PALMD: variants seen among roughly 807,000 people sequenced by gnomAD.
PALMD encodes the protein paralemmin-like protein.
Under a neutral mutation model 56.2 loss-of-function variants are expected in PALMD, and 42 were observed. That is an observed-to-expected ratio of 0.75 (90% CI 0.58 to 0.97). The LOEUF (loss-of-function observed/expected upper bound fraction) is 0.97. PALMD is among the 50% of genes least tolerant of loss of function. The pLI is 0.00. For synonymous variants in PALMD, 242 were observed against 222.9 expected (o/e 1.09, Z -0.76); for missense variants, 660 against 643.8 (o/e 1.03, Z -0.27).
chr1:99,660,337 C>T (rs12065173), intron 1 of PALMD, among the ~76,000 whole-genome samples: 1,628 of 152,226 alleles, frequency 0.011, 30 homozygotes, highest in African/African-American at 0.037. Flanking sequence ...ATCCTGGCTC[C>T]GACAATTGTC....
chr1:99,686,051 G>A (rs993051090), intron 3 of PALMD: 1 of 151,926 alleles, frequency 6.6e-6, no homozygotes, highest in Non-Finnish European at 1.5e-5. Flanking sequence ...AGAAAATGTA[G>A]CCTCTATAAA....
At position 99,667,630 on chromosome 1, in the gene PALMD, T is replaced by C; in HGVS notation, c.127-12T>C. ...CAATATAAGAACATATCTTTATGTT[T>C]CCTGACATCAGAAAAAGGCCTTGAG... is the stretch of plus-strand genomic sequence containing the variant. On this transcript the variant is annotated splice_polypyrimidine_tract_variant and intron_variant, in intron 2 of 7. Coordinates refer to ENST00000263174, the MANE Select transcript of PALMD (RefSeq NM_017734.5). The C allele has an allele frequency of 1.9e-6, 3 of 1,610,944 alleles. No homozygotes were observed. Among genetic ancestry groups the C allele is most frequent in the Non-Finnish European group, 2.5e-6 (3 of 1,177,328 alleles).
chr1:99,662,779 G>A (rs76831347), intron 2 of PALMD, among the ~76,000 whole-genome samples: 1,984 of 152,244 alleles, frequency 0.013, 23 homozygotes, highest in South Asian at 0.042. Context: ...TCATTCCCCC[G>A]GGGGTGCAGA....
At chr1:99,686,164 A>G (rs1571075134) in intron 3 of PALMD, 1 of 152,198 alleles carries the variant, frequency 6.6e-6, no homozygotes, top group African/African-American at 2.4e-5. Flanking sequence ...AAATTAAATC[A>G]AAGTGTCATT....
At position 99,694,516 on chromosome 1, in the gene PALMD, A is replaced by G. The variant is rs1653744056; in HGVS notation, c.*454A>G. The G allele has an allele frequency of 6.4e-6, 1 of 156,132 alleles. No individual in the cohort carries two copies. The highest frequency in any genetic ancestry group is 1.4e-5 in the Non-Finnish European group (1 of 71,190). 9.7% of individuals were successfully genotyped at this position (156,132 alleles called of 1,614,324 possible). A position where few individuals can be genotyped will look rare whatever the true frequency, so the allele number is the denominator to read the frequency against. ...ATCCTGAATTAATAATGCCTTAATA[A>G]AAGTACATCCTCCTGCTAACTATCA... On this transcript the variant is annotated 3_prime_UTR_variant, in exon 8 of 8. Coordinates refer to ENST00000263174, the MANE Select transcript of PALMD (RefSeq NM_017734.5).
intron 1 of PALMD, among the ~76,000 whole-genome samples, chr1:99,656,927 G>T (rs908365708): frequency 6.6e-6 from 1 of 152,042 alleles, no homozygotes; most frequent in Non-Finnish European, 1.5e-5. Context: ...TGTGCTCCCC[G>T]CAATCTGTTT....
intron 2 of PALMD, among the ~76,000 whole-genome samples, chr1:99,662,806 T>C (rs944143975): frequency 6.6e-6 from 1 of 152,216 alleles, no homozygotes; most frequent in African/African-American, 2.4e-5. Flanking sequence ...TCTGGCCTGG[T>C]CAAGGATGCT....
intron 2 of PALMD, 36 bp downstream of exon 2, chr1:99,662,435 G>A (rs1405590988): frequency 1.7e-6 from 2 of 1,204,434 alleles, no homozygotes; most frequent in African/African-American, 1.5e-5. Context: ...CAATGATTTT[G>A]TATTCAAAAA....
At chr1:99,683,176 C>G (rs929983520) in intron 3 of PALMD, 1 of 148,474 alleles carries the variant, frequency 6.7e-6, no homozygotes, top group African/African-American at 2.5e-5. Flanking sequence ...GAAACGAACA[C>G]CCTATGAAGT....
At chr1:99,683,180 A>G (rs527784141) in intron 3 of PALMD, 1 of 151,588 alleles carries the variant, frequency 6.6e-6, no homozygotes, top group South Asian at 2.1e-4. Flanking sequence ...CGAACACCCT[A>G]TGAAGTTGTT....
intron 1 of PALMD, among the ~76,000 whole-genome samples, chr1:99,656,817 T>C (rs1420234118): frequency 6.6e-6 from 1 of 152,172 alleles, no homozygotes; most frequent in African/African-American, 2.4e-5. Flanking sequence ...CCACTTAACC[T>C]CTTAAGGTTT....
At chr1:99,664,800 C>T (rs756403675) in intron 2 of PALMD, among the ~76,000 whole-genome samples, 1 of 152,190 alleles carries the variant, frequency 6.6e-6, no homozygotes, top group East Asian at 1.9e-4. Context: ...TCTCCACTTT[C>T]CTGATTGCAA....
intron 1 of PALMD, among the ~76,000 whole-genome samples, chr1:99,660,228 G>A (rs572509229): frequency 3.3e-4 from 50 of 152,326 alleles, no homozygotes; most frequent in African/African-American, 1.2e-3. Flanking sequence ...GAAGAAAAAG[G>A]AAGAAACTGT....
At chr1:99,648,272 T>C (rs1652487579) in intron 1 of PALMD, among the ~76,000 whole-genome samples, 1 of 152,110 alleles carries the variant, frequency 6.6e-6, no homozygotes, top group African/African-American at 2.4e-5. Flanking sequence ...CCAGTCACAT[T>C]TGTCACCACC....
At chr1:99,662,620 CT>C (rs1652871424) in intron 2 of PALMD, among the ~76,000 whole-genome samples, 1 of 152,168 alleles carries the variant, frequency 6.6e-6, no homozygotes, top group Admixed American at 6.5e-5. Flanking sequence ...GGTTTTATTA[CT>C]TTTATCCTTT....
intron 1 of PALMD, among the ~76,000 whole-genome samples, chr1:99,656,111 C>A (rs756371769): frequency 2.0e-5 from 3 of 152,140 alleles, no homozygotes; most frequent in African/African-American, 7.2e-5. Flanking sequence ...TCAGTGATAG[C>A]AAATGATTTG....
At chr1:99,667,342 A>G (rs1442323339) in intron 2 of PALMD, among the ~76,000 whole-genome samples, 1 of 152,164 alleles carries the variant, frequency 6.6e-6, no homozygotes. Context: ...CTGAAGACAG[A>G]AAGTGAGGGT....
chr1:99,683,648 A>G (rs12029624), intron 3 of PALMD: 12,063 of 152,238 alleles, frequency 0.079, 618 homozygotes, highest in Admixed American at 0.15. Flanking sequence ...TTTTAGCACA[A>G]TTGACCTCCA....
intron 7 of PALMD, among the ~76,000 whole-genome samples, chr1:99,693,379 A>C (rs1653706044): frequency 6.6e-6 from 1 of 152,240 alleles, no homozygotes; most frequent in South Asian, 2.1e-4. Context: ...TACATTCTAA[A>C]TCTACATTTT....
Sources: allele counts gnomAD v4.1 joint callset (sites outside exome capture counted in the v4.1 genomes callset), GRCh38; gene constraint gnomAD v4.1.1; transcripts MANE v1.5; gene names NCBI Gene and HGNC (gene_info 2026-07-23, HGNC 2026-07-21).